The following GRAPL variants were observed in gnomAD, a reference collection of about 807,000 sequenced individuals.
The protein encoded by GRAPL is GRB2 related adaptor protein like.
intron 3 of GRAPL, among the ~76,000 whole-genome samples, chr17:19,152,053 GTT>G (rs1230793864): frequency 8.0e-6 from 1 of 124,812 alleles, no homozygotes; most frequent in Non-Finnish European, 1.7e-5. Context: ...CCCAGATAAC[GTT>G]TGTATTTTTA....
At chr17:19,142,912 T>C (rs2044679855) in intron 3 of GRAPL, 1 of 76,642 alleles carries the variant, frequency 1.3e-5, no homozygotes, top group Admixed American at 1.5e-4. Context: ...ATGTAACGTG[T>C]TTTTTATGAT....
At chr17:19,149,629 T>TG (rs1475216310) in intron 3 of GRAPL, among the ~76,000 whole-genome samples, 2 of 108,462 alleles carry the variant, frequency 1.8e-5, no homozygotes, top group Non-Finnish European at 3.1e-5. Flanking sequence ...GGCATGGTGG[T>TG]GCATGCCTGT....
rs1169593968 is a variant in GRAPL, at chr17:19,149,328, CAAAAAAAAAAAAAAA to C, written c.300-8977_300-8963del. Among the ~76,000 whole-genome samples, 2 of 12,644 alleles carry C rather than the reference CAAAAAAAAAAAAAAA, an allele frequency of 1.6e-4. 1 individual carries two copies. The highest frequency in any genetic ancestry group is 2.2e-3 in the Admixed American group (2 of 922). The allele number at this position is 12,644 out of a possible 152,430, so 8.3% of individuals were successfully genotyped here. ...TGGGCAACAGAGCAAGACTCTGTCT[CAAAAAAAAAAAAAAA>C]AAAAAAAAAAAAAGATAGCATCCAC... On this transcript the variant is annotated intron_variant, in intron 3 of 3. Transcript: ENST00000344415.
At chr17:19,151,916 G>T (rs1296790310) in intron 3 of GRAPL, among the ~76,000 whole-genome samples, 4 of 107,962 alleles carry the variant, frequency 3.7e-5, no homozygotes, top group African/African-American at 7.3e-5. Flanking sequence ...TCAGAGTCTT[G>T]CTCTGTTGCC....
chr17:19,147,294 C>G (rs1259621275), intron 3 of GRAPL, among the ~76,000 whole-genome samples: 214 of 126,742 alleles, frequency 1.7e-3, no homozygotes, highest in African/African-American at 6.8e-3. Flanking sequence ...CCTCGGGGTC[C>G]TAAACTGTCT....
rs1323870966 is a variant in GRAPL, at chr17:19,148,756, A to T, written c.300-9563A>T. The stretch of plus-strand genomic sequence containing the variant: ...CCCGTCTCTACTAAAAATACAAAAA[A>T]AATTAGCCGGGCGCGGTGGTGGGCG... On this transcript the variant is annotated intron_variant, in intron 3 of 3. Transcript: ENST00000344415. Among the ~76,000 whole-genome samples, 501 of 51,912 alleles carry T rather than the reference A, an allele frequency of 9.7e-3. 22 individuals carry two copies. Among genetic ancestry groups the T allele is most frequent in the African/African-American group, 0.033 (443 of 13,600 alleles). The allele number at this position is 51,912 out of a possible 152,430, so 34.1% of individuals were successfully genotyped here. A position where few individuals can be genotyped will look rare whatever the true frequency, so the allele number is the denominator to read the frequency against.
intron 3 of GRAPL, among the ~76,000 whole-genome samples, chr17:19,149,668 A>G (rs1169973171): frequency 1.7e-4 from 17 of 100,244 alleles, no homozygotes; most frequent in South Asian, 1.0e-3. Context: ...GGCTGAAGCA[A>G]GAGAATCACT....
rs1269859230 is a variant in GRAPL, at chr17:19,144,319, G to C, written c.299+5731G>C. 2.5e-5 allele frequency: 9 copies of C among 354,844 alleles called. 2 individuals carry two copies. Among genetic ancestry groups the C allele is most frequent in the Non-Finnish European group, 4.8e-5 (9 of 189,184 alleles). 22.0% of individuals were successfully genotyped at this position (354,844 alleles called of 1,614,324 possible). A position where few individuals can be genotyped will look rare whatever the true frequency, so the allele number is the denominator to read the frequency against. The stretch of plus-strand genomic sequence containing the variant: ...CTGCTGCTGCTGCTGCCGCCACCAG[G>C]CCAGAAAAACTCGCTGGGCAGGACT... On this transcript the variant is annotated intron_variant, in intron 3 of 3. Transcript: ENST00000344415.
intron 3 of GRAPL, among the ~76,000 whole-genome samples, chr17:19,147,046 T>TGC (rs2044698907): frequency 8.0e-6 from 1 of 125,638 alleles, no homozygotes; most frequent in African/African-American, 3.8e-5. Context: ...TGTGTGTGTG[T>TGC]GTGTGCGCGC....
intron 3 of GRAPL, among the ~76,000 whole-genome samples, chr17:19,147,275 G>A (rs2044704576): frequency 7.4e-6 from 1 of 134,952 alleles, no homozygotes; most frequent in Non-Finnish European, 1.5e-5. Flanking sequence ...CACCTGAACA[G>A]GTGCCCTCCC....
intron 3 of GRAPL, among the ~76,000 whole-genome samples, chr17:19,147,151 C>CT (rs2044702410): frequency 6.9e-6 from 1 of 145,774 alleles, no homozygotes; most frequent in South Asian, 2.2e-4. Flanking sequence ...GATCCCTAGC[C>CT]TGTGGCTCAG....
chr17:19,149,094 C>T (rs2044717207), intron 3 of GRAPL, among the ~76,000 whole-genome samples: 1 of 113,854 alleles, frequency 8.8e-6, no homozygotes, highest in Non-Finnish European at 1.8e-5. Flanking sequence ...CTTTGGGAGG[C>T]CGAGGAGGGT....
At chr17:19,151,882 CTT>C (rs1203783656) in intron 3 of GRAPL, among the ~76,000 whole-genome samples, 2 of 62,560 alleles carry the variant, frequency 3.2e-5, no homozygotes, top group Non-Finnish European at 3.2e-5. Flanking sequence ...CGCCCAGGCT[CTT>C]TTTTTTTTTT....
chr17:19,147,050 T>TGC (rs202183900), intron 3 of GRAPL, among the ~76,000 whole-genome samples: 2,627 of 119,420 alleles, frequency 0.022, 176 homozygotes, highest in African/African-American at 0.038. Flanking sequence ...TGTGTGTGTG[T>TGC]GCGCGCGCGC....
At chr17:19,136,978 A>T (rs1289318875) in intron 2 of GRAPL, among the ~76,000 whole-genome samples, 2 of 150,238 alleles carry the variant, frequency 1.3e-5, no homozygotes, top group African/African-American at 4.8e-5. Context: ...ACTGCTAATC[A>T]CCTCCCAATG....
At chr17:19,148,832 T>C (rs1190415064) in intron 3 of GRAPL, among the ~76,000 whole-genome samples, 1 of 98,312 alleles carries the variant, frequency 1.0e-5, no homozygotes, top group African/African-American at 3.8e-5. Context: ...GGCGTGAACC[T>C]GGGAGGCGGA....
chr17:19,144,378 T>G (rs1441498166), intron 3 of GRAPL, among the ~76,000 whole-genome samples: 5 of 126,834 alleles, frequency 3.9e-5, no homozygotes, highest in Admixed American at 2.5e-4. Context: ...ACTTGGTCCT[T>G]GGGGCTTTTC....
At chr17:19,149,261 A>G (rs2044719213) in intron 3 of GRAPL, among the ~76,000 whole-genome samples, 1 of 91,520 alleles carries the variant, frequency 1.1e-5, no homozygotes, top group Admixed American at 1.4e-4. Context: ...CCTGGGAGGC[A>G]GAGGTTGCAG....
intron 3 of GRAPL, among the ~76,000 whole-genome samples, chr17:19,151,882 C>CTTTTT (rs1203783656): frequency 1.6e-5 from 1 of 62,550 alleles, no homozygotes; most frequent in African/African-American, 6.1e-5. Context: ...CGCCCAGGCT[C>CTTTTT]TTTTTTTTTT....
Sources: allele counts gnomAD v4.1 joint callset (sites outside exome capture counted in the v4.1 genomes callset), GRCh38; gene constraint gnomAD v4.1.1; transcripts MANE v1.5; gene names NCBI Gene and HGNC (gene_info 2026-07-23, HGNC 2026-07-21).